DYNC1I1: variants seen among roughly 807,000 people sequenced by gnomAD.
DYNC1I1 encodes the protein dynein cytoplasmic 1 intermediate chain 1, also known as cytoplasmic dynein 1 intermediate chain 1.
A neutral mutation model predicts 86.6 loss-of-function variants in DYNC1I1; 43 were observed. That is an observed-to-expected ratio of 0.50 (90% confidence interval 0.39 to 0.64). The LOEUF (loss-of-function observed/expected upper bound fraction) is 0.64. DYNC1I1 is among the 30% of genes least tolerant of loss of function. The pLI is 0.00. For synonymous variants in DYNC1I1, 262 were observed against 283.7 expected (o/e 0.92, Z 0.77); for missense variants, 604 against 788.8 (o/e 0.77, Z 2.81).
intron 14 of DYNC1I1, among the ~76,000 whole-genome samples, chr7:96,063,963 G>A (rs1210989537): frequency 1.3e-5 from 2 of 152,220 alleles, no homozygotes; most frequent in African/African-American, 4.8e-5. Flanking sequence ...ACCCATGGAT[G>A]TCGAGGGAAA....
rs955169759 is a variant in DYNC1I1, at chr7:95,995,030, G to A, written c.844-918G>A. Reference sequence around the variant, plus strand: ...TGAGAGGCCGAGGCTGGTGGATCACGAGGTCAGGAGATCGAGACCATCCTG... The same window carrying A: ...TGAGAGGCCGAGGCTGGTGGATCACAAGGTCAGGAGATCGAGACCATCCTG... On this transcript the variant is annotated intron_variant, in intron 9 of 16. Transcript: ENST00000447467. Among the ~76,000 whole-genome samples the A allele has an allele frequency of 2.0e-5, 3 of 152,114 alleles. No individual in the cohort carries two copies. The East Asian group carries it at 5.8e-4, about 30-fold the overall frequency.
chr7:95,881,053 C>A (rs17487300), intron 6 of DYNC1I1, among the ~76,000 whole-genome samples: 59,514 of 151,962 alleles, frequency 0.39, 12,079 homozygotes, highest in African/African-American at 0.49. Flanking sequence ...AATTATGTCA[C>A]GATGTCAGTT....
intron 10 of DYNC1I1, among the ~76,000 whole-genome samples, chr7:96,000,370 T>C (rs1156632105): frequency 3.9e-5 from 6 of 152,236 alleles, no homozygotes; most frequent in East Asian, 1.9e-4. Flanking sequence ...CAGTGTTACA[T>C]TGATTATCAT....
At chr7:96,100,686 AGGAAGAG>A (rs1437977627), downstream of DYNC1I1, among the ~76,000 whole-genome samples, 2 of 72,042 alleles carry the variant, frequency 2.8e-5, no homozygotes, top group African/African-American at 1.2e-4. Flanking sequence ...GTGTGTGGTA[AGGAAGAG>A]GGAAGCTATA....
chr7:95,967,501 G>T (rs1253721803), intron 6 of DYNC1I1, among the ~76,000 whole-genome samples: 1 of 152,124 alleles, frequency 6.6e-6, no homozygotes, highest in African/African-American at 2.4e-5. Flanking sequence ...GGGTCCATAA[G>T]ACCTGATCCC....
At chr7:95,890,084 G>T (rs1790697158) in intron 6 of DYNC1I1, among the ~76,000 whole-genome samples, 1 of 152,016 alleles carries the variant, frequency 6.6e-6, no homozygotes, top group Admixed American at 6.6e-5. Context: ...TCCCCTTACT[G>T]ATATATCTGA....
At chr7:96,050,138 C>T (rs1789359501) in intron 14 of DYNC1I1, among the ~76,000 whole-genome samples, 2 of 151,670 alleles carry the variant, frequency 1.3e-5, no homozygotes, top group African/African-American at 4.8e-5. Flanking sequence ...GCATTTTATA[C>T]ACTCTACTGC....
intron 6 of DYNC1I1, among the ~76,000 whole-genome samples, chr7:95,934,972 G>T (rs1241304476): frequency 5.3e-5 from 8 of 151,338 alleles, no homozygotes; most frequent in Admixed American, 5.3e-4. Context: ...GTGTGTGTGT[G>T]TGTCTGTGTT....
In DYNC1I1 at chr7:95,804,786, A is replaced by C; in HGVS notation, c.57A>C (p.Ala19=). ...AELERKKQRL[A]QIREEKKRKE... ...TAGAGCGCAAAAAGCAGCGCTTAGC[A>C]CAGATAAGAGAAGAGAAGAAACGGA... The change falls in exon 2 of 17, where the codon GCA becomes GCC. Residue 19 remains alanine (A), a synonymous_variant. Transcript: ENST00000447467. 1 of 1,590,648 alleles carries C rather than the reference A, an allele frequency of 6.3e-7. No individual in the cohort carries two copies.
chr7:95,892,327 C>T (rs1389869891), intron 6 of DYNC1I1, among the ~76,000 whole-genome samples: 5 of 150,886 alleles, frequency 3.3e-5, no homozygotes, highest in Admixed American at 2.0e-4. Context: ...TTCTTCCCCC[C>T]GAGACAGAGT....
chr7:95,963,319 C>A (rs994945579), intron 6 of DYNC1I1, among the ~76,000 whole-genome samples: 4 of 152,106 alleles, frequency 2.6e-5, no homozygotes, highest in African/African-American at 9.7e-5. Context: ...TTGTCGTTTC[C>A]CTGCATGAAT....
At chr7:95,983,874 A>G (rs1408169226) in intron 7 of DYNC1I1, among the ~76,000 whole-genome samples, 2 of 152,140 alleles carry the variant, frequency 1.3e-5, no homozygotes, top group Non-Finnish European at 2.9e-5. Flanking sequence ...AACCAATGAA[A>G]GGTTTATTGT....
At chr7:95,803,588 G>A (rs1762156898) in intron 1 of DYNC1I1, among the ~76,000 whole-genome samples, 1 of 152,166 alleles carries the variant, frequency 6.6e-6, no homozygotes, top group East Asian at 1.9e-4. Flanking sequence ...ACCGTCTGGG[G>A]ACAACGACAA....
At chr7:95,833,158 G>T (rs1389243314) in intron 5 of DYNC1I1, among the ~76,000 whole-genome samples, 3 of 143,744 alleles carry the variant, frequency 2.1e-5, no homozygotes, top group Non-Finnish European at 4.5e-5. Flanking sequence ...AAGGTGTAAG[G>T]AAGGGATCCA....
intron 1 of DYNC1I1, among the ~76,000 whole-genome samples, chr7:95,785,802 T>C (rs1446287969): frequency 8.0e-6 from 1 of 124,480 alleles, no homozygotes; most frequent in Admixed American, 7.7e-5. Context: ...TATATATATA[T>C]ATATATATAT....
intron 1 of DYNC1I1, among the ~76,000 whole-genome samples, chr7:95,773,881 G>A (rs1793772863): frequency 6.6e-6 from 1 of 152,118 alleles, no homozygotes; most frequent in African/African-American, 2.4e-5. Flanking sequence ...AGAGATATAC[G>A]TTGATCAGTG....
intron 5 of DYNC1I1, among the ~76,000 whole-genome samples, chr7:95,862,971 TA>T (rs1789927210): frequency 6.6e-6 from 1 of 152,222 alleles, no homozygotes; most frequent in African/African-American, 2.4e-5. Context: ...TTTTTATTTT[TA>T]AAAATTGTGA....
intron 1 of DYNC1I1, among the ~76,000 whole-genome samples, chr7:95,785,855 T>G (rs1794131235): frequency 6.9e-6 from 1 of 144,380 alleles, no homozygotes; most frequent in Admixed American, 7.1e-5. Context: ...AATGGAGAGA[T>G]TACTAGGGGT....
chr7:95,896,248 T>C (rs1346988084), intron 6 of DYNC1I1, among the ~76,000 whole-genome samples: 1 of 152,110 alleles, frequency 6.6e-6, no homozygotes, highest in Non-Finnish European at 1.5e-5. Context: ...CCCTAAATCC[T>C]AAGGTGGTGT....
Sources: allele counts gnomAD v4.1 joint callset (sites outside exome capture counted in the v4.1 genomes callset), GRCh38; gene constraint gnomAD v4.1.1; transcripts MANE v1.5; gene names NCBI Gene and HGNC (gene_info 2026-07-23, HGNC 2026-07-21).